Variants in TRANK1 observed in about 807,000 individuals in gnomAD.
TRANK1 encodes the protein TPR and ankyrin repeat-containing protein 1.
TRANK1 carries 198 observed loss-of-function variants against 266.0 expected under a neutral mutation model. The ratio of observed to expected loss-of-function variants is 0.74; its 90% CI spans 0.66 to 0.84. The LOEUF is 0.84. TRANK1 is among the 40% of genes least tolerant of loss of function. The probability of loss-of-function intolerance (pLI) is 0.00; values close to 1 mark genes in which losing one functional copy is unlikely to be tolerated. For synonymous variants in TRANK1, 1,396 were observed against 1,384.1 expected, an observed-to-expected ratio of 1.01 and a Z score of -0.19; for missense variants, 3,326 against 3,634.6, an observed-to-expected ratio of 0.92 and a Z score of 2.18.
intron 15 of TRANK1, chr3:36,850,666 A>T (rs2078973454): frequency 2.3e-6 from 2 of 868,974 alleles, no homozygotes; most frequent in Admixed American, 6.2e-5. Flanking sequence ...ATAACCTCAG[A>T]GGGTTGGTGG....
At chr3:36,920,352 T>G (rs1021455512) in intron 1 of TRANK1, among the ~76,000 whole-genome samples, 2 of 152,184 alleles carry the variant, frequency 1.3e-5, no homozygotes, top group African/African-American at 4.8e-5. Context: ...GTCCCAGATT[T>G]GTTTCTGTTA....
chr3:36,932,141 A>T (rs1317939722), intron 1 of TRANK1, among the ~76,000 whole-genome samples: 1 of 152,254 alleles, frequency 6.6e-6, no homozygotes, highest in East Asian at 1.9e-4. Context: ...AAAGTAACAG[A>T]CATGAATCCA....
At position 36,939,301 on chromosome 3, in the gene TRANK1, C is replaced by T. The variant is rs182149390; in HGVS notation, c.23+5486G>A. Among the ~76,000 whole-genome samples, 191 of 139,798 alleles carry T rather than the reference C, an allele frequency of 1.4e-3. 1 individual carries two copies. Among genetic ancestry groups the T allele is most frequent in the African/African-American group, 5.2e-3 (185 of 35,724 alleles). The allele number at this position is 139,798 out of a possible 152,430, so 91.7% of individuals were successfully genotyped here. On this transcript the variant is annotated intron_variant, in intron 1 of 23. Coordinates refer to ENST00000645898, the MANE Select transcript of TRANK1 (RefSeq NM_001329998.2). ...CACACACACACACACACACACACGC[C>T]TCTACTTACCTTTCTAGTATTCTCT...
In TRANK1 at chr3:36,831,674, CA is replaced by C; in HGVS notation, c.7908del (p.Phe2636LeufsTer8). 6.2e-7 allele frequency: 1 copy of C among 1,613,990 alleles called. No individual in the cohort carries two copies. On this transcript the variant is annotated frameshift_variant, in exon 22 of 24. Transcript: ENST00000645898. LOFTEE classifies it high-confidence loss of function. This position sits in a 1 kb window ranked among gnomAD's most constrained non-coding sequence, Gnocchi z 5.0. ...SVAEALQDLLFERDEEYLMDC... is the reference protein window; with the variant it reads ...SVAEALQDLLXERDEEYLMDC... ...TCCATTAGGTACTCTTCATCCCGCTCAAAGAGCAGGTCCTGCAGTGCCTCAG... is the reference window on the plus strand; with the variant it reads ...TCCATTAGGTACTCTTCATCCCGCTCAAGAGCAGGTCCTGCAGTGCCTCAG...
Position 36,831,704 on chromosome 3 carries a change from C to T in TRANK1, c.7879G>A (p.Val2627Met), listed in dbSNP as rs373979668. Reference sequence around the variant, plus strand: ...AGCAGGTCCTGCAGTGCCTCAGCCACAGACTTCACATTGACTGCCACCAAG... The same window carrying T: ...AGCAGGTCCTGCAGTGCCTCAGCCATAGACTTCACATTGACTGCCACCAAG... ...RVLVAVNVKS[V>M]AEALQDLLFE... Residue 2627 changes from valine to methionine, a missense_variant, in exon 22 of 24, where the codon GTG (valine) becomes ATG (methionine). Physicochemically the swap from Val to Met is conservative, Grantham distance 21. Transcript: ENST00000645898. This position sits in a 1 kb window ranked among gnomAD's most constrained non-coding sequence, Gnocchi z 5.0. 238 of 1,613,930 alleles carry T rather than the reference C, an allele frequency of 1.5e-4. No individual in the cohort carries two copies. The highest frequency in any genetic ancestry group is 1.9e-4 in the Non-Finnish European group (228 of 1,179,904).
chr3:36,839,460 G>T (rs1050430131), intron 18 of TRANK1, among the ~76,000 whole-genome samples: 1 of 152,184 alleles, frequency 6.6e-6, no homozygotes, highest in African/African-American at 2.4e-5. Flanking sequence ...TGCTGATAAG[G>T]TGGACAGGAT....
chr3:36,898,265 A>G (rs1052018465), intron 4 of TRANK1, among the ~76,000 whole-genome samples: 1 of 152,162 alleles, frequency 6.6e-6, no homozygotes, highest in Non-Finnish European at 1.5e-5. Flanking sequence ...CCTGGCCAAC[A>G]TGGTGAAGCC....
In TRANK1 at chr3:36,852,143, C is replaced by T; in HGVS notation, c.4749+3G>A. On this transcript the variant is annotated splice_donor_region_variant and intron_variant, in intron 14 of 23. Transcript: ENST00000645898. Reference sequence around the variant, plus strand: ...TCAAAACATAAAATCCCAAGCAGCTCACCTGGTGGGCTCCAAATTCAATGG... The same window carrying T: ...TCAAAACATAAAATCCCAAGCAGCTTACCTGGTGGGCTCCAAATTCAATGG... The T allele has an allele frequency of 1.9e-6, 3 of 1,578,482 alleles. No individual in the cohort carries two copies. The highest frequency in any genetic ancestry group is 2.6e-6 in the Non-Finnish European group (3 of 1,169,158).
chr3:36,828,445 G>A, intron 23 of TRANK1, 70 bp from the exon 24 acceptor site: 1 of 929,820 alleles, frequency 1.1e-6, no homozygotes, highest in South Asian at 1.4e-5. Flanking sequence ...AAAGAAGGAA[G>A]GAAGGAAGGA....
chr3:36,855,546 G>A lies in TRANK1; in HGVS notation c.4176C>T (p.Tyr1392=). ...TTTGCTGATACAGACTGAAGAGGCT[G>A]TAGATCTCACTCCGGTCTTCCTTGA... is the stretch of plus-strand genomic sequence containing the variant. The part of the protein sequence containing the change: ...PNFKEDRSEI[Y]SLFSLYQQIR... Residue 1392 remains tyrosine (Y), a synonymous_variant, in exon 13 of 24, where the codon TAC becomes TAT. Transcript: ENST00000645898. 3 of 1,613,892 alleles carry A rather than the reference G, an allele frequency of 1.9e-6. No individual in the cohort carries two copies. The highest frequency in any genetic ancestry group is 1.1e-5 in the South Asian group (1 of 91,066).
At chr3:36,933,160 C>G (rs1481072834) in intron 1 of TRANK1, among the ~76,000 whole-genome samples, 5 of 149,990 alleles carry the variant, frequency 3.3e-5, no homozygotes, top group African/African-American at 1.3e-4. Context: ...CCCCTTTCCC[C>G]TCTCTCCCTT....
chr3:36,843,437 C>G (rs1370845549), intron 17 of TRANK1, among the ~76,000 whole-genome samples: 1 of 152,178 alleles, frequency 6.6e-6, no homozygotes, highest in Non-Finnish European at 1.5e-5. Flanking sequence ...TACACTATTT[C>G]CAAATGTGCA....
chr3:36,856,795 C>G lies in TRANK1; in HGVS notation c.2927G>C (p.Gly976Ala). Residue 976 changes from glycine (G) to alanine (A), a missense_variant, in exon 13 of 24, where the codon GGT (glycine) becomes GCT (alanine). By Grantham distance (60) the Gly-to-Ala change is moderately conservative (BLOSUM62 0). Coordinates refer to ENST00000645898, the MANE Select transcript of TRANK1 (RefSeq NM_001329998.2). ...AGCTGACACTTGGCCTTTATTGATA[C>G]CTTTCAGCTTCTTCCGCAGGACACA... The part of the protein sequence containing the change: ...LSCVLRKKLK[G>A]INKGQVSANM... 6.2e-7 allele frequency: 1 copy of G among 1,614,002 alleles called. No homozygotes were observed. Among genetic ancestry groups the G allele is most frequent in the Non-Finnish European group, 8.5e-7 (1 of 1,179,890 alleles).
chr3:36,847,793 G>A (rs2078935650), intron 15 of TRANK1, among the ~76,000 whole-genome samples: 1 of 152,184 alleles, frequency 6.6e-6, no homozygotes, highest in Admixed American at 6.5e-5. Context: ...CAGTGCTATG[G>A]TGTGCAAGGT....
rs143983257 is a variant in TRANK1, at chr3:36,842,551, G to A, written c.5280+71C>T. The A allele has an allele frequency of 1.9e-4, 254 of 1,350,832 alleles. No individual in the cohort carries two copies. The African/African-American group carries it at 2.7e-3, about 14-fold the overall frequency. The allele number at this position is 1,350,832 out of a possible 1,614,324, so 83.7% of individuals were successfully genotyped here. ...ATCCTTTCCTGGTGACAAACACCAT[G>A]ATGTGAAACCTGCCTGTGAGGTCTG... On this transcript the variant is annotated intron_variant, in intron 18 of 23. Coordinates refer to ENST00000645898, the MANE Select transcript of TRANK1 (RefSeq NM_001329998.2).
At chr3:36,930,603 A>G (rs977371917) in intron 1 of TRANK1, among the ~76,000 whole-genome samples, 3 of 152,252 alleles carry the variant, frequency 2.0e-5, no homozygotes, top group African/African-American at 7.2e-5. Context: ...CAGTGTGAAA[A>G]TGATACCACA....
At chr3:36,900,872 A>AAAAAAAAAAAAAAT (rs1559462823) in intron 3 of TRANK1, among the ~76,000 whole-genome samples, 1 of 147,968 alleles carries the variant, frequency 6.8e-6, no homozygotes, top group African/African-American at 2.5e-5. Flanking sequence ...AAAAAAAAAA[A>AAAAAAAAAAAAAAT]AAAAGATAAC....
intron 3 of TRANK1, among the ~76,000 whole-genome samples, chr3:36,900,485 A>G (rs1397575730): frequency 6.6e-6 from 1 of 152,150 alleles, no homozygotes; most frequent in African/African-American, 2.4e-5. Context: ...CCTATATACA[A>G]ATAATATGAC....
intron 1 of TRANK1, among the ~76,000 whole-genome samples, chr3:36,912,608 A>C (rs1253131350): frequency 6.6e-6 from 1 of 152,254 alleles, no homozygotes; most frequent in Non-Finnish European, 1.5e-5. Flanking sequence ...ATGAGGAAGA[A>C]GATGCAAGAA....
Sources: allele counts gnomAD v4.1 joint callset (sites outside exome capture counted in the v4.1 genomes callset), GRCh38; gene constraint gnomAD v4.1.1; non-coding constraint Gnocchi (gnomAD v3.1); transcripts MANE v1.5; gene names NCBI Gene and HGNC (gene_info 2026-07-23, HGNC 2026-07-21).